Variants in SNX29 observed in about 807,000 individuals in gnomAD.
The protein encoded by SNX29 is sorting nexin-29.
Under a neutral mutation model 102.1 loss-of-function variants are expected in SNX29, and 78 were observed. That is an observed-to-expected ratio of 0.76 (90% CI 0.64 to 0.92). The LOEUF is 0.92. Ranked by LOEUF, SNX29 falls within the 40% of genes least tolerant of loss-of-function variation. The probability of loss-of-function intolerance (pLI) is 0.00; values close to 1 mark genes in which losing one functional copy is unlikely to be tolerated. For synonymous variants in SNX29, 580 were observed against 414.5 expected, an observed-to-expected ratio of 1.40 and a Z score of -4.85; for missense variants, 1,280 against 1,061.7, an observed-to-expected ratio of 1.21 and a Z score of -2.86.
At chr16:12,168,457 A>C (rs980788860) in intron 13 of SNX29, among the ~76,000 whole-genome samples, 4 of 152,196 alleles carry the variant, frequency 2.6e-5, no homozygotes, top group Non-Finnish European at 5.9e-5. Flanking sequence ...GTTTGAATCT[A>C]AGCCCCATGT....
intron 16 of SNX29, among the ~76,000 whole-genome samples, chr16:12,385,840 G>A (rs938801214): frequency 1.3e-5 from 2 of 152,172 alleles, no homozygotes; most frequent in African/African-American, 2.4e-5. Flanking sequence ...GTTGGAAAAC[G>A]GGGCGGCAAG....
intron 20 of SNX29, chr16:12,527,314 G>C (rs553306809): frequency 7.5e-6 from 4 of 530,976 alleles, no homozygotes; most frequent in Non-Finnish European, 1.5e-5. Flanking sequence ...CAGCGAGACT[G>C]CTGTCTCAGC....
Position 12,570,384 on chromosome 16 carries a change from T to G in SNX29, c.*1755T>G. The stretch of plus-strand genomic sequence containing the variant: ...TGCAATACACATGGTTTATCTGAAA[T>G]TCCAAGGCCAGAGTGCACATCAGCT... On this transcript the variant is annotated 3_prime_UTR_variant, in exon 21 of 21. Coordinates refer to ENST00000566228, the MANE Select transcript of SNX29 (RefSeq NM_032167.5). 1 of 399,916 alleles carries G rather than the reference T, an allele frequency of 2.5e-6. No individual in the cohort carries two copies. The highest frequency in any genetic ancestry group is 3.7e-6 in the Non-Finnish European group (1 of 270,480). 24.8% of individuals were successfully genotyped at this position (399,916 alleles called of 1,614,324 possible). A position where few individuals can be genotyped will look rare whatever the true frequency, so the allele number is the denominator to read the frequency against.
At chr16:12,307,741 C>A (rs2080385232) in intron 15 of SNX29, among the ~76,000 whole-genome samples, 1 of 152,210 alleles carries the variant, frequency 6.6e-6, no homozygotes, top group Non-Finnish European at 1.5e-5. Context: ...GGCCTAGATG[C>A]CTTTGCTAGG....
rs536467536 is a variant in SNX29 at position 12,541,003 on chromosome 16, G to A, written c.2318+16162G>A. Among the ~76,000 whole-genome samples, 151 of 152,274 alleles carry A rather than the reference G, an allele frequency of 9.9e-4. 3 individuals carry two copies. The highest frequency in any genetic ancestry group is 1.0e-3 in the Non-Finnish European group (69 of 68,010). ...AGGGGAAAAATGGTGAGCTCACTGCGGGTTTCCTGGGACAGCAACAACTGG... is the reference window on the plus strand; with the variant it reads ...AGGGGAAAAATGGTGAGCTCACTGCAGGTTTCCTGGGACAGCAACAACTGG... On this transcript the variant is annotated intron_variant, in intron 20 of 20. Transcript: ENST00000566228.
intron 3 of SNX29, among the ~76,000 whole-genome samples, chr16:12,003,917 G>T (rs1304208617): frequency 6.6e-6 from 1 of 152,096 alleles, no homozygotes; most frequent in African/African-American, 2.4e-5. Context: ...TGAGGCAGGA[G>T]AATCGCTTGA....
chr16:12,488,065 A>G (rs1567614740), intron 19 of SNX29, among the ~76,000 whole-genome samples: 1 of 152,230 alleles, frequency 6.6e-6, no homozygotes, highest in Non-Finnish European at 1.5e-5. Context: ...AGGCCTATGC[A>G]TAGGTATATA....
intron 20 of SNX29, among the ~76,000 whole-genome samples, chr16:12,538,844 AAG>A (rs1157237430): frequency 6.6e-5 from 10 of 152,180 alleles, no homozygotes; most frequent in South Asian, 2.1e-4. Context: ...TCACGTGGCA[AAG>A]AGGGGCACAG....
At chr16:12,032,269 G>A (rs947744028) in intron 4 of SNX29, among the ~76,000 whole-genome samples, 14 of 148,934 alleles carry the variant, frequency 9.4e-5, no homozygotes, top group Non-Finnish European at 8.9e-5. Context: ...AGTAAGTAGC[G>A]CTATCTCAGC....
chr16:12,431,436 T>TCTTC (rs1225796440), intron 18 of SNX29, among the ~76,000 whole-genome samples: 1 of 146,036 alleles, frequency 6.8e-6, no homozygotes, highest in African/African-American at 2.6e-5. Context: ...TTCTTCTTCT[T>TCTTC]TTTTTTTTTT....
At chr16:12,052,258 C>G (rs755426508) in intron 8 of SNX29, 36 bp downstream of exon 8, 2 of 1,610,804 alleles carry the variant, frequency 1.2e-6, no homozygotes, top group Non-Finnish European at 1.7e-6. Flanking sequence ...TCACCGTCCC[C>G]CAGGCTGGAG....
At chr16:12,429,711 G>GT (rs2085235531) in intron 18 of SNX29, among the ~76,000 whole-genome samples, 1 of 152,148 alleles carries the variant, frequency 6.6e-6, no homozygotes, top group Non-Finnish European at 1.5e-5. Context: ...CAACATTTAA[G>GT]TTTTTTTCTA....
intron 18 of SNX29, among the ~76,000 whole-genome samples, chr16:12,421,971 G>T (rs116366925): frequency 0.012 from 1,770 of 151,326 alleles, 41 homozygotes; most frequent in African/African-American, 0.04. Flanking sequence ...CCCATCACAG[G>T]CATCATCTAT....
intron 3 of SNX29, among the ~76,000 whole-genome samples, chr16:12,016,974 A>G (rs1205703999): frequency 6.6e-6 from 1 of 151,964 alleles, no homozygotes; most frequent in South Asian, 2.1e-4. Flanking sequence ...CAAAAAAAAA[A>G]ATTAAAAAAA....
intron 20 of SNX29, among the ~76,000 whole-genome samples, chr16:12,537,608 G>C (rs1042077205): frequency 1.3e-5 from 2 of 152,142 alleles, no homozygotes; most frequent in African/African-American, 4.8e-5. Flanking sequence ...TCTCACTTCA[G>C]TCCCAAAATG....
At chr16:12,414,380 C>G (rs1311793919) in intron 18 of SNX29, among the ~76,000 whole-genome samples, 1 of 152,106 alleles carries the variant, frequency 6.6e-6, no homozygotes, top group African/African-American at 2.4e-5. Context: ...TCTAAAAGTA[C>G]AAGTAAAAAA....
chr16:12,348,975 C>T (rs899695874), intron 15 of SNX29, among the ~76,000 whole-genome samples: 13 of 152,206 alleles, frequency 8.5e-5, no homozygotes, highest in African/African-American at 3.1e-4. Context: ...GGGAAGACAG[C>T]GCCCTTAGTT....
chr16:12,539,573 A>C (rs189659066), intron 20 of SNX29, among the ~76,000 whole-genome samples: 19 of 152,330 alleles, frequency 1.2e-4, no homozygotes, highest in Non-Finnish European at 2.5e-4. Flanking sequence ...TTGTGTGAAC[A>C]AAAGTTTTCA....
At chr16:12,008,088 C>T (rs973971514) in intron 3 of SNX29, among the ~76,000 whole-genome samples, 3 of 151,920 alleles carry the variant, frequency 2.0e-5, no homozygotes, top group Non-Finnish European at 4.4e-5. Flanking sequence ...GGACTACAGA[C>T]GCCCGCCACC....
Sources: gnomAD v4.1 joint callset for allele counts (sites outside exome capture counted in the v4.1 genomes callset) on GRCh38, gnomAD v4.1.1 for gene constraint, MANE v1.5 for transcripts, NCBI Gene and HGNC (gene_info 2026-07-23, HGNC 2026-07-21) for gene names.